HHATL: variants seen among roughly 807,000 people sequenced by gnomAD.
HHATL encodes hedgehog acyltransferase like, also known as protein-cysteine N-palmitoyltransferase HHAT-like protein.
Under a neutral mutation model 59.7 loss-of-function variants are expected in HHATL, and 49 were observed. The observed-to-expected ratio is 0.82, with a 90% CI of 0.65 to 1.04. The LOEUF (loss-of-function observed/expected upper bound fraction) is 1.04. Ranked by LOEUF, HHATL falls within the 50% of genes least tolerant of loss-of-function variation. The pLI, the probability that HHATL is intolerant of heterozygous loss-of-function variation, is 0.00. For synonymous variants in HHATL, 238 were observed against 257.3 expected (o/e 0.93, Z 0.72); for missense variants, 605 against 650.8 (o/e 0.93, Z 0.77).
At position 42,700,722 on chromosome 3, in the gene HHATL, T is replaced by C. The variant is rs376943133; in HGVS notation, c.105A>G (p.Gln35=). Residue 35 remains glutamine (Q), a splice_region_variant and synonymous_variant, in exon 2 of 12, where the codon CAA becomes CAG. Transcript: ENST00000441594. The stretch of plus-strand genomic sequence containing the variant: ...CCTGCCCCGGGGCACAGCCATTACC[T>C]TGTGAAGCCTCAAGGAGGCCCCGGC... ...YAGRGLLEAS[Q]DGAHRKAFRE... is the part of the protein sequence containing the mutation. The C allele has an allele frequency of 5.0e-6, 8 of 1,608,772 alleles. No homozygotes were observed. The African/African-American group carries it at 1.1e-4, about 22-fold the overall frequency.
At chr3:42,696,976 C>T in intron 8 of HHATL, 25 bp downstream of exon 8, 1 of 1,611,874 alleles carries the variant, frequency 6.2e-7, no homozygotes, top group African/African-American at 1.3e-5. Context: ...GGGGGTGAGC[C>T]TCCCCCGTCC....
intron 2 of HHATL, among the ~76,000 whole-genome samples, chr3:42,700,042 ATGTC>A (rs1474329744): frequency 2.7e-4 from 31 of 116,948 alleles, no homozygotes; most frequent in African/African-American, 9.5e-4. Context: ...GTGTGTGTAT[ATGTC>A]TGTGTGTTTG....
intron 6 of HHATL, 55 bp from the exon 7 acceptor site, chr3:42,697,734 G>T: frequency 6.4e-7 from 1 of 1,558,388 alleles, no homozygotes; most frequent in Middle Eastern, 1.8e-4. Context: ...GGGGAGCCCT[G>T]TCTGAGGGGG....
chr3:42,700,785 G>C lies in HHATL; in HGVS notation c.42C>G (p.Leu14=), dbSNP rs13086709. The C allele has an allele frequency of 1.2e-6, 2 of 1,613,934 alleles. No homozygotes were observed. Among genetic ancestry groups the C allele is most frequent in the Non-Finnish European group, 1.7e-6 (2 of 1,179,890 alleles). The change falls in exon 2 of 12, where the codon CTC becomes CTG. Residue 14 remains leucine, a synonymous_variant. Coordinates refer to ENST00000441594, the MANE Select transcript of HHATL (RefSeq NM_020707.4). ...KTALPAAELG[L]YSLVLSGALA... ...GGGCCCCACTCAGCACCAGAGAGTA[G>C]AGGCCCAGCTCAGCCGCCGGCAATG...
intron 2 of HHATL, among the ~76,000 whole-genome samples, chr3:42,700,094 GTGTGTCGGGATGTGTGTGTGTGTA>G (rs1697875721): frequency 1.3e-5 from 2 of 151,058 alleles, no homozygotes; most frequent in African/African-American, 4.9e-5. Flanking sequence ...GTGTGTGTGT[GTGTGTCGGGATGTGTGTGTGTGTA>G]TGTCTGGGTC....
chr3:42,695,605 G>A (rs1236223190), intron 9 of HHATL, among the ~76,000 whole-genome samples: 1 of 152,166 alleles, frequency 6.6e-6, no homozygotes, highest in African/African-American at 2.4e-5. Context: ...ATGAGTGGGG[G>A]GATCCAGGCT....
Position 42,696,896 on chromosome 3 carries a change from T to C in HHATL, c.1011-19A>G. ...AAAGTGCCTGTAAGAGGAAAGCAGA[T>C]GGGCATGTTGCCATCAGGCGCAGAG... On this transcript the variant is annotated intron_variant, in intron 8 of 11. Coordinates refer to ENST00000441594, the MANE Select transcript of HHATL (RefSeq NM_020707.4). 1.9e-6 allele frequency: 3 copies of C among 1,614,146 alleles called. No individual in the cohort carries two copies. Among genetic ancestry groups the C allele is most frequent in the East Asian group, 2.2e-5 (1 of 44,870 alleles).
At position 42,698,233 on chromosome 3, in the gene HHATL, T is replaced by C. The variant is rs1164773105; in HGVS notation, c.602A>G (p.His201Arg). The C allele has an allele frequency of 6.2e-7, 1 of 1,614,152 alleles. No individual in the cohort carries two copies. The highest frequency in any genetic ancestry group is 8.5e-7 in the Non-Finnish European group (1 of 1,180,018). Residue 201 changes from histidine (H) to arginine (R), a missense_variant, in exon 6 of 12, where the codon CAC (histidine) becomes CGC (arginine). Physicochemically the swap from His to Arg is conservative, Grantham distance 29. Transcript: ENST00000441594. ...ALESCAHPDR[H>R]YSLADLLKYN... ...CTTGAGCAGGTCAGCTAAGGAGTAG[T>C]GGCGGTCAGGGTGGGCACAGCTCTC...
chr3:42,700,821 G>T lies in HHATL; in HGVS notation c.6C>A (p.Gly2=), dbSNP rs758183114. ...CAGCCGCCGGCAATGCTGTCTTGAT[G>T]CCCATAGCCTGGACAGGGCTGGGGA... The part of the protein sequence containing the change: M[G]IKTALPAAEL... Residue 2 remains glycine, a synonymous_variant, in exon 2 of 12, where the codon GGC becomes GGA. Coordinates refer to ENST00000441594, the MANE Select transcript of HHATL (RefSeq NM_020707.4). The T allele has an allele frequency of 3.1e-6, 5 of 1,612,806 alleles. No individual in the cohort carries two copies. The East Asian group carries it at 1.1e-4, about 36-fold the overall frequency.
chr3:42,692,694 A>C lies in HHATL; in HGVS notation c.*57T>G, dbSNP rs1697399015. 3 of 1,613,040 alleles carry C rather than the reference A, an allele frequency of 1.9e-6. No homozygotes were observed. The highest frequency in any genetic ancestry group is 2.5e-6 in the Non-Finnish European group (3 of 1,179,396). ...AGAAAAGTCTTTTATTCTATCGGTCAGGCCCCATCTGGCCCAAGAATAGCT... is the reference window on the plus strand; with the variant it reads ...AGAAAAGTCTTTTATTCTATCGGTCCGGCCCCATCTGGCCCAAGAATAGCT... On this transcript the variant is annotated 3_prime_UTR_variant, in exon 12 of 12. Coordinates refer to ENST00000441594, the MANE Select transcript of HHATL (RefSeq NM_020707.4).
Position 42,701,177 on chromosome 3 carries a change from A to G in HHATL, c.-13-338T>C. ...ACCCTCTGCCAAAACCGCTCCTGCC[A>G]AGGCCCCCATGACCTGCGTGCGGAG... On this transcript the variant is annotated intron_variant, in intron 1 of 11. Transcript: ENST00000441594. This position sits in a 1 kb window ranked among gnomAD's most constrained non-coding sequence, Gnocchi z 5.1. The G allele has an allele frequency of 3.6e-6, 1 of 276,672 alleles. No individual in the cohort carries two copies. Among genetic ancestry groups the G allele is most frequent in the Non-Finnish European group, 7.0e-6 (1 of 143,472 alleles). 17.1% of individuals were successfully genotyped at this position (276,672 alleles called of 1,614,324 possible). A position where few individuals can be genotyped will look rare whatever the true frequency, so the allele number is the denominator to read the frequency against.
At position 42,693,082 on chromosome 3, in the gene HHATL, A is replaced by G; in HGVS notation, c.1385T>C (p.Leu462Pro). ...FTELVARRLL[L>P]TGFPQTTLSI... ...CCCACACCCCTGTCCCTCACCTGTG[A>G]GTAGCAGGCGCCGGGCAACCAGCTC... The change falls in exon 11 of 12, where the codon CTC becomes CCC. Residue 462 changes from leucine (L) to proline (P), a missense_variant. Transcript: ENST00000441594. 2.5e-6 allele frequency: 4 copies of G among 1,614,170 alleles called. No individual in the cohort carries two copies. Among genetic ancestry groups the G allele is most frequent in the Non-Finnish European group, 3.4e-6 (4 of 1,180,004 alleles).
At chr3:42,696,770 C>T (rs1241215980) in intron 9 of HHATL, 72 bp downstream of exon 9, 2 of 1,522,254 alleles carry the variant, frequency 1.3e-6, no homozygotes, top group Non-Finnish European at 9.0e-7. Context: ...AAAATGTGGA[C>T]CCATCTTGGC....
intron 9 of HHATL, among the ~76,000 whole-genome samples, chr3:42,696,066 C>T (rs1013056469): frequency 6.6e-6 from 1 of 152,138 alleles, no homozygotes; most frequent in South Asian, 2.1e-4. Flanking sequence ...CCTGCCTTGC[C>T]CATGAAAGGC....
intron 1 of HHATL, among the ~76,000 whole-genome samples, chr3:42,702,228 G>A (rs1388185475): frequency 1.3e-5 from 2 of 152,206 alleles, no homozygotes; most frequent in African/African-American, 4.8e-5. Flanking sequence ...TGGGGATCAG[G>A]TTAATGGAGC....
Position 42,698,360 on chromosome 3 carries a change from G to A in HHATL, c.484-9C>T. ...CCTGTTACAAACCCGCTCTGGAGGG[G>A]GAAAGAACAGGCCACCAGCTCACTA... On this transcript the variant is annotated splice_polypyrimidine_tract_variant and intron_variant, in intron 5 of 11. Coordinates refer to ENST00000441594, the MANE Select transcript of HHATL (RefSeq NM_020707.4). The A allele has an allele frequency of 6.2e-7, 1 of 1,607,150 alleles. No homozygotes were observed. Among genetic ancestry groups the A allele is most frequent in the Non-Finnish European group, 8.5e-7 (1 of 1,175,670 alleles).
intron 2 of HHATL, among the ~76,000 whole-genome samples, chr3:42,700,444 CTGTG>C (rs33966867): frequency 5.1e-4 from 74 of 146,456 alleles, no homozygotes; most frequent in East Asian, 1.8e-3. Flanking sequence ...GTCCAGGCCT[CTGTG>C]TGTGTGTGTG....
At chr3:42,698,060 G>C in intron 6 of HHATL, 82 bp downstream of exon 6, 2 of 1,382,304 alleles carry the variant, frequency 1.4e-6, no homozygotes, top group Non-Finnish European at 2.0e-6. Context: ...AGCCTGCTTG[G>C]GGAATTCTAT....
At position 42,693,193 on chromosome 3, in the gene HHATL, C is replaced by T. The variant is rs768201980; in HGVS notation, c.1274G>A (p.Arg425His). The change falls in exon 11 of 12, where the codon CGT becomes CAT. Residue 425 changes from arginine to histidine, a missense_variant. Transcript: ENST00000441594. ...GGCTCCAAACAGGGCCCGGACCCTA[C>T]GGGACATCTGCACTGACAGAGAGGC... ...IEASLSVQMSRRVRALFGAMN... is the reference protein window; with the variant it reads ...IEASLSVQMSHRVRALFGAMN... 3.2e-5 allele frequency: 52 copies of T among 1,614,018 alleles called. No homozygotes were observed. Among genetic ancestry groups the T allele is most frequent in the East Asian group, 2.0e-4 (9 of 44,890 alleles).
Sources: gnomAD v4.1 joint callset for allele counts (sites outside exome capture counted in the v4.1 genomes callset) on GRCh38, gnomAD v4.1.1 for gene constraint, Gnocchi (gnomAD v3.1) non-coding constraint, MANE v1.5 for transcripts, NCBI Gene and HGNC (gene_info 2026-07-23, HGNC 2026-07-21) for gene names.